DLGAP2: variants seen among roughly 807,000 people sequenced by gnomAD.
The protein encoded by DLGAP2 is disks large-associated protein 2.
A neutral mutation model predicts 100.3 loss-of-function variants in DLGAP2; 26 were observed. The observed-to-expected ratio is 0.26, with a 90% CI of 0.19 to 0.36. The LOEUF (loss-of-function observed/expected upper bound fraction) is 0.36, where lower values mean the gene tolerates loss of function less well. DLGAP2 is among the 10% of genes least tolerant of loss of function. The probability of loss-of-function intolerance (pLI) is 1.00; values close to 1 mark genes in which losing one functional copy is unlikely to be tolerated. For missense variants in DLGAP2, 1,858 were observed against 1,453.2 expected (o/e 1.28, Z -4.53); for synonymous variants, 886 against 630.1 (o/e 1.41, Z -6.08).
rs547187524 is a variant in DLGAP2, at chr8:1,190,446, G to C, written c.74-68405G>C. The stretch of plus-strand genomic sequence containing the variant: ...TGCTGTTGGGGCATCTGCTGTTGGA[G>C]TCGCTCCCCTGTGACACTGACACTT... On this transcript the variant is annotated intron_variant, in intron 2 of 14. Transcript: ENST00000637795. 2.4e-4 allele frequency among the ~76,000 whole-genome samples: 36 copies of C among 150,884 alleles called. 1 individual carries two copies. Among genetic ancestry groups the C allele is most frequent in the South Asian group, 1.0e-3 (5 of 4,772 alleles).
At chr8:1,580,936 A>C (rs1803218350) in intron 6 of DLGAP2, among the ~76,000 whole-genome samples, 1 of 151,958 alleles carries the variant, frequency 6.6e-6, no homozygotes, top group African/African-American at 2.4e-5. Context: ...GAAGTGAAGT[A>C]TACAGACAAA....
chr8:1,585,211 C>T (rs929413742), intron 6 of DLGAP2, among the ~76,000 whole-genome samples: 3 of 152,126 alleles, frequency 2.0e-5, no homozygotes, highest in African/African-American at 7.2e-5. Context: ...ACCTGTGATC[C>T]CAGCACTTTG....
intron 2 of DLGAP2, among the ~76,000 whole-genome samples, chr8:1,100,695 C>T (rs978184138): frequency 2.6e-5 from 4 of 152,136 alleles, no homozygotes; most frequent in Admixed American, 2.0e-4. Flanking sequence ...GAACTTGGCG[C>T]GCCTGTTGCA....
At chr8:1,143,913 A>G (rs1208641719) in intron 2 of DLGAP2, among the ~76,000 whole-genome samples, 3 of 152,232 alleles carry the variant, frequency 2.0e-5, no homozygotes, top group African/African-American at 7.2e-5. Context: ...AACATAACAG[A>G]GGACTAGATG....
chr8:777,760 C>G (rs1366903436), intron 1 of DLGAP2, among the ~76,000 whole-genome samples: 3 of 152,134 alleles, frequency 2.0e-5, no homozygotes, highest in Non-Finnish European at 4.4e-5. Context: ...GTAACCCGAC[C>G]TTTCTCTCTG....
chr8:1,189,341 C>T (rs1283587181), intron 2 of DLGAP2, among the ~76,000 whole-genome samples: 4 of 152,258 alleles, frequency 2.6e-5, no homozygotes, highest in African/African-American at 7.2e-5. Flanking sequence ...AGGAGTCACA[C>T]ATCCAGCAGG....
At chr8:1,642,350 T>C (rs372244820) in intron 8 of DLGAP2, among the ~76,000 whole-genome samples, 41 of 14,582 alleles carry the variant, frequency 2.8e-3, no homozygotes, top group South Asian at 2.9e-3. Context: ...ACCCCGCCGG[T>C]CCTCACCTGT....
chr8:1,603,282 G>C lies in DLGAP2; in HGVS notation c.1443-23458G>C, dbSNP rs1340955170. ...GTGGAGGCTGGGTCTCAGTTCTGTA[G>C]AGGCTGGTTAGAGTGGAGGATGGGT... On this transcript the variant is annotated intron_variant, in intron 6 of 14. Coordinates refer to ENST00000637795, the MANE Select transcript of DLGAP2 (RefSeq NM_001346810.2). 1.1e-4 allele frequency among the ~76,000 whole-genome samples: 16 copies of C among 150,878 alleles called. 1 individual carries two copies. Among genetic ancestry groups the C allele is most frequent in the African/African-American group, 3.9e-4 (16 of 41,024 alleles).
chr8:1,261,504 C>G (rs1453718547), intron 3 of DLGAP2, among the ~76,000 whole-genome samples: 1 of 150,558 alleles, frequency 6.6e-6, no homozygotes, highest in African/African-American at 2.4e-5. Flanking sequence ...GAAGACTCCC[C>G]CTGTCCGGTG....
rs1799290102 is a variant in DLGAP2, at chr8:1,692,925, AATAT to A, written c.2796+1304_2796+1307del. Among the ~76,000 whole-genome samples, 2 of 148,526 alleles carry A rather than the reference AATAT, an allele frequency of 1.3e-5. 1 individual carries two copies. Among genetic ancestry groups the A allele is most frequent in the South Asian group, 4.2e-4 (2 of 4,768 alleles). On this transcript the variant is annotated intron_variant, in intron 13 of 14. Transcript: ENST00000637795. ...ATATATATACACATATTAATATATA[AATAT>A]ATATTTGCTATTTCTGGCAGAGCAG...
chr8:1,017,801 C>G (rs1218366372), intron 2 of DLGAP2, among the ~76,000 whole-genome samples: 10 of 152,226 alleles, frequency 6.6e-5, no homozygotes, highest in Admixed American at 6.5e-5. Flanking sequence ...CACCTCACTC[C>G]TCTCCACGCT....
Position 1,549,032 on chromosome 8 carries a change from G to A in DLGAP2, c.579G>A (p.Leu193=), listed in dbSNP as rs756223258. The part of the protein sequence containing the change: ...AKINRIPANL[L]DQFEKQLPLH... ...TCAACCGCATCCCGGCCAACCTGCT[G>A]GACCAGTTCGAGAAGCAGCTGCCGC... The change falls in exon 5 of 15, where the codon CTG becomes CTA. Residue 193 remains leucine (L), a synonymous_variant. Coordinates refer to ENST00000637795, the MANE Select transcript of DLGAP2 (RefSeq NM_001346810.2). 1.9e-6 allele frequency: 3 copies of A among 1,595,322 alleles called. No homozygotes were observed. The highest frequency in any genetic ancestry group is 2.6e-6 in the Non-Finnish European group (3 of 1,176,138).
At chr8:1,136,408 T>C (rs1485907942) in intron 2 of DLGAP2, among the ~76,000 whole-genome samples, 3 of 152,170 alleles carry the variant, frequency 2.0e-5, no homozygotes, top group Admixed American at 6.6e-5. Context: ...GGAACACAGC[T>C]TCCCTGCAGC....
intron 3 of DLGAP2, among the ~76,000 whole-genome samples, chr8:1,298,444 C>T (rs1800244845): frequency 6.6e-6 from 1 of 152,288 alleles, no homozygotes; most frequent in East Asian, 1.9e-4. Context: ...ACGTTCTGTA[C>T]TGGGGTATAA....
At chr8:1,219,060 G>C (rs1798267824) in intron 2 of DLGAP2, among the ~76,000 whole-genome samples, 1 of 152,142 alleles carries the variant, frequency 6.6e-6, no homozygotes, top group Non-Finnish European at 1.5e-5. Flanking sequence ...GAATCATATA[G>C]TCTAAAGACA....
At chr8:927,126 C>T (rs1584895474) in intron 2 of DLGAP2, 5 of 985,362 alleles carry the variant, frequency 5.1e-6, no homozygotes, top group Non-Finnish European at 2.4e-6. Flanking sequence ...GCAAACTAAT[C>T]GATTGTAATT....
intron 4 of DLGAP2, among the ~76,000 whole-genome samples, chr8:1,518,327 TTTG>T (rs543812724): frequency 3.3e-4 from 51 of 152,286 alleles, no homozygotes; most frequent in African/African-American, 1.1e-3. Flanking sequence ...TCTTATGGGT[TTTG>T]TTGTTTGTTT....
At chr8:1,129,704 G>T (rs1796245653) in intron 2 of DLGAP2, among the ~76,000 whole-genome samples, 1 of 152,170 alleles carries the variant, frequency 6.6e-6, no homozygotes, top group East Asian at 1.9e-4. Context: ...GTGCTGGCAT[G>T]TTCCATTCTC....
Position 1,284,144 on chromosome 8 carries a change from C to T in DLGAP2, c.106+25261C>T, listed in dbSNP as rs182616786. On this transcript the variant is annotated intron_variant, in intron 3 of 14. Transcript: ENST00000637795. ...GACACCTCAGAGCATTGTGACTGCG[C>T]GGCTGTCTCCTGCAGTAGCTAAGTA... is the stretch of plus-strand genomic sequence containing the variant. Among the ~76,000 whole-genome samples the T allele has an allele frequency of 4.9e-4, 75 of 152,298 alleles. 2 individuals are homozygous for T. In the South Asian group the frequency reaches 0.015, roughly 30 times the overall value.
Sources: allele counts gnomAD v4.1 joint callset (sites outside exome capture counted in the v4.1 genomes callset), GRCh38; gene constraint gnomAD v4.1.1; transcripts MANE v1.5; gene names NCBI Gene and HGNC (gene_info 2026-07-23, HGNC 2026-07-21).